ARHGEF28: variants seen among roughly 807,000 people sequenced by gnomAD.
ARHGEF28 encodes the protein 190 kDa guanine nucleotide exchange factor.
A neutral mutation model predicts 206.6 loss-of-function variants in ARHGEF28; 152 were observed. The observed-to-expected ratio is 0.74, with a 90% confidence interval of 0.64 to 0.84. ARHGEF28 has a LOEUF of 0.84. ARHGEF28 is among the 40% of genes least tolerant of loss of function. The pLI is 0.00. For synonymous variants in ARHGEF28, 763 were observed against 776.4 expected (o/e 0.98, Z 0.29); for missense variants, 2,028 against 2,073.2 (o/e 0.98, Z 0.42).
chr5:73,684,552 G>A (rs1026365463), intron 1 of ARHGEF28, among the ~76,000 whole-genome samples: 1 of 152,100 alleles, frequency 6.6e-6, no homozygotes, highest in Non-Finnish European at 1.5e-5. Flanking sequence ...AAAAATTTCT[G>A]TTTGAGTCCC....
At chr5:73,835,101 G>C (rs1757542086) in intron 10 of ARHGEF28, 1 of 152,172 alleles carries the variant, frequency 6.6e-6, no homozygotes, top group African/African-American at 2.4e-5. Context: ...GGAAGGAGGA[G>C]GGGCTGAAGG....
At chr5:73,847,745 A>G (rs1758452936) in intron 12 of ARHGEF28, among the ~76,000 whole-genome samples, 1 of 152,120 alleles carries the variant, frequency 6.6e-6, no homozygotes, top group South Asian at 2.1e-4. Flanking sequence ...GTTTTGGACA[A>G]TTTTCAAAGT....
chr5:73,937,884 G>A (rs1008277439), intron 35 of ARHGEF28, among the ~76,000 whole-genome samples: 2 of 152,116 alleles, frequency 1.3e-5, no homozygotes, highest in African/African-American at 4.8e-5. Flanking sequence ...AGTTGAAATG[G>A]AGTAACAAAA....
chr5:73,730,420 A>T (rs779218541), intron 2 of ARHGEF28, among the ~76,000 whole-genome samples: 10 of 152,166 alleles, frequency 6.6e-5, no homozygotes, highest in Non-Finnish European at 1.3e-4. Context: ...GTTGCCTTGC[A>T]TCGGTAGGCA....
At chr5:73,864,751 T>C (rs1030550827) in intron 16 of ARHGEF28, 66 bp from the exon 17 acceptor site, 2 of 1,370,540 alleles carry the variant, frequency 1.5e-6, no homozygotes, top group Non-Finnish European at 2.0e-6. Flanking sequence ...AAGCATGATG[T>C]AGTCTTATTA....
At chr5:73,725,740 A>T (rs1750233311) in intron 2 of ARHGEF28, among the ~76,000 whole-genome samples, 1 of 152,158 alleles carries the variant, frequency 6.6e-6, no homozygotes, top group African/African-American at 2.4e-5. Flanking sequence ...GGTGTAATTC[A>T]TTCACATGCC....
At chr5:73,728,705 G>A (rs537381989) in intron 2 of ARHGEF28, among the ~76,000 whole-genome samples, 125 of 152,270 alleles carry the variant, frequency 8.2e-4, no homozygotes, top group African/African-American at 2.9e-3. Flanking sequence ...GAACCCTGAT[G>A]AGATCAGCCA....
chr5:73,897,732 A>AT (rs1289007491), intron 29 of ARHGEF28, among the ~76,000 whole-genome samples: 1 of 152,174 alleles, frequency 6.6e-6, no homozygotes, highest in Non-Finnish European at 1.5e-5. Flanking sequence ...GATACTAAGT[A>AT]TTTTGGGTTT....
chr5:73,821,830 C>A (rs2112539575), intron 9 of ARHGEF28, among the ~76,000 whole-genome samples: 1 of 152,110 alleles, frequency 6.6e-6, no homozygotes, highest in Non-Finnish European at 1.5e-5. Flanking sequence ...TGCTTGATTG[C>A]TTGAGGGAAG....
chr5:73,675,433 T>TAA (rs1746593647), intron 1 of ARHGEF28, among the ~76,000 whole-genome samples: 1 of 151,478 alleles, frequency 6.6e-6, no homozygotes, highest in Non-Finnish European at 1.5e-5. Flanking sequence ...AAAATGAAAA[T>TAA]AAAGTATGAA....
At chr5:73,770,513 A>G (rs1317353927) in intron 4 of ARHGEF28, among the ~76,000 whole-genome samples, 1 of 152,246 alleles carries the variant, frequency 6.6e-6, no homozygotes, top group Non-Finnish European at 1.5e-5. Context: ...GGCACCAACC[A>G]AACAGGAAGA....
chr5:73,785,649 C>G (rs965098056), intron 7 of ARHGEF28, among the ~76,000 whole-genome samples: 3 of 152,164 alleles, frequency 2.0e-5, no homozygotes, highest in Non-Finnish European at 4.4e-5. Context: ...GTACCATTTG[C>G]CACTGTATGA....
At chr5:73,777,534 A>C (rs1753608995) in intron 6 of ARHGEF28, among the ~76,000 whole-genome samples, 1 of 152,220 alleles carries the variant, frequency 6.6e-6, no homozygotes, top group Non-Finnish European at 1.5e-5. Context: ...CTTTTGTAGA[A>C]TATTTGCTTC....
At chr5:73,927,313 G>A (rs533267312) in intron 35 of ARHGEF28, among the ~76,000 whole-genome samples, 1 of 152,318 alleles carries the variant, frequency 6.6e-6, no homozygotes, top group South Asian at 2.1e-4. Context: ...GGAGGCTGCA[G>A]TAAGCTGTGG....
intron 34 of ARHGEF28, 49 bp downstream of exon 34, chr5:73,909,946 G>A (rs376244872): frequency 1.4e-6 from 2 of 1,468,974 alleles, no homozygotes; most frequent in Non-Finnish European, 1.8e-6. Flanking sequence ...AGACAGGGGT[G>A]GGCCTGGGGG....
At chr5:73,754,251 A>C (rs1001257465) in intron 4 of ARHGEF28, among the ~76,000 whole-genome samples, 1 of 152,196 alleles carries the variant, frequency 6.6e-6, no homozygotes, top group Non-Finnish European at 1.5e-5. Flanking sequence ...TTATAAAGCC[A>C]TAAGTCACAA....
At chr5:73,867,462 T>C (rs1364826054) in intron 18 of ARHGEF28, among the ~76,000 whole-genome samples, 1 of 152,218 alleles carries the variant, frequency 6.6e-6, no homozygotes, top group Non-Finnish European at 1.5e-5. Flanking sequence ...TCCATTGACG[T>C]GTTCTCTGTG....
intron 35 of ARHGEF28, among the ~76,000 whole-genome samples, chr5:73,930,853 T>G (rs534722106): frequency 1.3e-5 from 2 of 152,346 alleles, no homozygotes; most frequent in South Asian, 2.1e-4. Context: ...TTTAGGGTCC[T>G]CTGTACTTCT....
At chr5:73,851,899 C>T (rs149998345) in intron 13 of ARHGEF28, among the ~76,000 whole-genome samples, 9 of 152,258 alleles carry the variant, frequency 5.9e-5, no homozygotes, top group Middle Eastern at 3.4e-3. Context: ...CCTTTGCAAC[C>T]TAGTTATGCC....
Sources: allele counts gnomAD v4.1 joint callset (sites outside exome capture counted in the v4.1 genomes callset), GRCh38; gene constraint gnomAD v4.1.1; transcripts MANE v1.5; gene names NCBI Gene and HGNC (gene_info 2026-07-23, HGNC 2026-07-21).